CNTNAP1: variants seen among roughly 807,000 people sequenced by gnomAD.
The protein encoded by CNTNAP1 is contactin-associated protein 1.
In CNTNAP1, 80 loss-of-function variants were observed where a neutral mutation model predicts 161.5. The observed-to-expected ratio is 0.50, with a 90% CI of 0.41 to 0.60. CNTNAP1 has a LOEUF of 0.60. Ranked by LOEUF, CNTNAP1 falls within the 20% of genes least tolerant of loss-of-function variation. The pLI is 0.00. For missense variants in CNTNAP1, 1,464 were observed against 1,854.8 expected (o/e 0.79, Z 3.87); for synonymous variants, 695 against 733.1 (o/e 0.95, Z 0.84).
intron 10 of CNTNAP1, 27 bp from the exon 11 acceptor site, chr17:42,689,494 T>C: frequency 6.3e-7 from 1 of 1,582,700 alleles, no homozygotes; most frequent in Non-Finnish European, 8.7e-7. Flanking sequence ...GTAAGGCTCC[T>C]TCCCTTGGTC....
chr17:42,697,691 G>C lies in CNTNAP1; in HGVS notation c.3706G>C (p.Ala1236Pro). Residue 1236 changes from alanine (A) to proline (P), a missense_variant, in exon 22 of 24, where the codon GCT becomes CCT. Transcript: ENST00000264638. ...RTPRPMTAEL[A>P]EALRVQGELS... is the part of the protein sequence containing the mutation. ...CCCTCGACCCATGACTGCTGAGCTA[G>C]CTGAGGCCCTTCGAGTTCAGGGAGA... 4.3e-6 allele frequency: 7 copies of C among 1,614,192 alleles called. No individual in the cohort carries two copies. Among genetic ancestry groups the C allele is most frequent in the Non-Finnish European group, 5.9e-6 (7 of 1,180,036 alleles).
intron 2 of CNTNAP1, 29 bp downstream of exon 2, chr17:42,683,951 C>G (rs746717447): frequency 6.2e-6 from 10 of 1,612,916 alleles, no homozygotes; most frequent in South Asian, 1.1e-5. Flanking sequence ...CAGCTGCCAA[C>G]TGGCAGCGCA....
intron 23 of CNTNAP1, among the ~76,000 whole-genome samples, 180 bp downstream of exon 23, chr17:42,698,130 T>A (rs1368529488): frequency 6.6e-6 from 1 of 151,830 alleles, no homozygotes; most frequent in African/African-American, 2.4e-5. Context: ...GATTTTTAGA[T>A]GTTTGAGGAT....
In CNTNAP1 at chr17:42,683,918, G is replaced by A. The variant is rs1050654751; in HGVS notation, c.165G>A (p.Leu55=). The A allele has an allele frequency of 6.2e-7, 1 of 1,613,736 alleles. No individual in the cohort carries two copies. Among genetic ancestry groups the A allele is most frequent in the Non-Finnish European group, 8.5e-7 (1 of 1,179,950 alleles). ...TTACTGCGCCGAGATTCGCCAGGCT[G>A]CACGGTGAGCTCCGCGGAACATCAG... The part of the protein sequence containing the change: ...SLLTAPRFAR[L]HGISGWSPRI... The change falls in exon 2 of 24, where the codon CTG becomes CTA. Residue 55 remains leucine, a synonymous_variant. Coordinates refer to ENST00000264638, the MANE Select transcript of CNTNAP1 (RefSeq NM_003632.3).
chr17:42,693,880 T>A (rs1160426294), intron 18 of CNTNAP1, among the ~76,000 whole-genome samples: 1 of 152,112 alleles, frequency 6.6e-6, no homozygotes. Context: ...TTTTTTTTTT[T>A]ATGAGATGGA....
intron 3 of CNTNAP1, among the ~76,000 whole-genome samples, 172 bp downstream of exon 3, chr17:42,684,401 G>A (rs2052978671): frequency 6.6e-6 from 1 of 152,162 alleles, no homozygotes; most frequent in African/African-American, 2.4e-5. Context: ...GGACGTGCGC[G>A]AAACACTCGG....
In CNTNAP1 at chr17:42,698,926, G is replaced by C. The variant is rs767074492; in HGVS notation, c.*16G>C. On this transcript the variant is annotated 3_prime_UTR_variant, in exon 24 of 24. Coordinates refer to ENST00000264638, the MANE Select transcript of CNTNAP1 (RefSeq NM_003632.3). ...GTCTGAATGAGTCAGAAGGGCTTCT[G>C]GGACCAATTCCAGCTCCTGACATTC... The C allele has an allele frequency of 4.0e-6, 6 of 1,483,716 alleles. No individual in the cohort carries two copies. In the South Asian group the frequency reaches 7.0e-5, roughly 17 times the overall value. The allele number at this position is 1,483,716 out of a possible 1,614,324, so 91.9% of individuals were successfully genotyped here.
chr17:42,682,930 G>A (rs1363174934), intron 1 of CNTNAP1, 34 bp downstream of exon 1: 3 of 1,571,386 alleles, frequency 1.9e-6, no homozygotes, highest in South Asian at 2.3e-5. Context: ...GTGGGGTTGG[G>A]CCCAGGAGTC....
rs2053138481 is a variant in CNTNAP1 at position 42,695,411 on chromosome 17, G to A, written c.2993-110G>A. 1.3e-5 allele frequency: 11 copies of A among 853,812 alleles called. No homozygotes were observed. In the Admixed American group the frequency reaches 2.5e-4, roughly 19 times the overall value. 52.9% of individuals were successfully genotyped at this position (853,812 alleles called of 1,614,324 possible). A position where few individuals can be genotyped will look rare whatever the true frequency, so the allele number is the denominator to read the frequency against. On this transcript the variant is annotated intron_variant, in intron 18 of 23. Coordinates refer to ENST00000264638, the MANE Select transcript of CNTNAP1 (RefSeq NM_003632.3). ...CCTAAAAGTAAATGGAGGGTTGTGA[G>A]GGTGGCAGAAACTGAAGTAAGTCTC...
Position 42,697,644 on chromosome 17 carries a change from C to T in CNTNAP1, c.3659C>T (p.Pro1220Leu). The change falls in exon 22 of 24, where the codon CCC becomes CTC. Residue 1220 changes from proline to leucine, a missense_variant. Physicochemically the swap from Pro to Leu is moderately conservative, Grantham distance 98. Transcript: ENST00000264638. ...LSGVRFNNVA[P>L]LKTHFRTPRP... is the part of the protein sequence containing the mutation. ...GGTGTTCGATTCAACAACGTGGCTCCCCTCAAGACCCACTTCCGAACCCCT... is the reference window on the plus strand; with the variant it reads ...GGTGTTCGATTCAACAACGTGGCTCTCCTCAAGACCCACTTCCGAACCCCT... The T allele has an allele frequency of 6.2e-7, 1 of 1,614,164 alleles. No homozygotes were observed. The highest frequency in any genetic ancestry group is 2.2e-5 in the East Asian group (1 of 44,890).
At chr17:42,692,743 G>A (rs780767064) in intron 17 of CNTNAP1, 23 bp downstream of exon 17, 5 of 1,581,476 alleles carry the variant, frequency 3.2e-6, no homozygotes, top group East Asian at 2.3e-5. Flanking sequence ...CCAGAGGCAA[G>A]TCTGAAGCCT....
At chr17:42,692,910 C>A (rs1567974267) in intron 17 of CNTNAP1, among the ~76,000 whole-genome samples, 190 bp downstream of exon 17, 2 of 152,152 alleles carry the variant, frequency 1.3e-5, no homozygotes. Flanking sequence ...GGCTCCCTTT[C>A]CAACTACAAT....
chr17:42,686,062 A>G lies in CNTNAP1; in HGVS notation c.821A>G (p.Asp274Gly). Reference protein sequence around the residue: ...HYVRVDRFGRDVNFTLDGYVQ... With the variant: ...HYVRVDRFGRGVNFTLDGYVQ... ...GTGCGGGTGGACCGATTTGGCCGCG[A>G]TGTAAATTTCACCCTGGACGGCTAT... is the stretch of plus-strand genomic sequence containing the variant. The change falls in exon 6 of 24, where the codon GAT (aspartate) becomes GGT (glycine). Residue 274 changes from aspartate to glycine, a missense_variant. Transcript: ENST00000264638. 6.2e-7 allele frequency: 1 copy of G among 1,614,152 alleles called. No individual in the cohort carries two copies. The highest frequency in any genetic ancestry group is 8.5e-7 in the Non-Finnish European group (1 of 1,180,038).
intron 18 of CNTNAP1, 84 bp from the exon 19 acceptor site, chr17:42,695,437 A>G: frequency 9.2e-7 from 1 of 1,086,966 alleles, no homozygotes; most frequent in East Asian, 2.4e-5. Context: ...AGTAAGTCTC[A>G]GGATGTGTGT....
rs1263707235 is a variant in CNTNAP1 at position 42,685,157 on chromosome 17, C to T, written c.511+19C>T. 3 of 1,606,686 alleles carry T rather than the reference C, an allele frequency of 1.9e-6. No individual in the cohort carries two copies. In the South Asian group the frequency reaches 3.3e-5, roughly 18 times the overall value. On this transcript the variant is annotated intron_variant, in intron 4 of 23. Coordinates refer to ENST00000264638, the MANE Select transcript of CNTNAP1 (RefSeq NM_003632.3). The surrounding 1 kb of genome is among the most constrained non-coding windows in gnomAD (Gnocchi z 5.0). Reference sequence around the variant, plus strand: ...CCATACAGTAAGTGTGCAGAGAGCGCGGAGGGGGCCTGGGAGACAGCCTCC... The same window carrying T: ...CCATACAGTAAGTGTGCAGAGAGCGTGGAGGGGGCCTGGGAGACAGCCTCC...
chr17:42,683,298 G>A lies in CNTNAP1; in HGVS notation c.67+402G>A, dbSNP rs531189059. ...TTTGTGGCTAGGGCTGGGGTTTGTG[G>A]CTGGGGCTGGGTTTTGTGGCAGGGA... On this transcript the variant is annotated intron_variant, in intron 1 of 23. Transcript: ENST00000264638. 6.5e-4 allele frequency: 685 copies of A among 1,046,598 alleles called. 14 individuals carry two copies. The South Asian group carries it at 0.014, about 22-fold the overall frequency. The allele number at this position is 1,046,598 out of a possible 1,614,324, so 64.8% of individuals were successfully genotyped here.
Position 42,692,734 on chromosome 17 carries a change from C to T in CNTNAP1, c.2752+14C>T, listed in dbSNP as rs2143667359. ...CCCTCTATGTGGGTAAGCAGCAACC[C>T]AGAGGCAAGTCTGAAGCCTCCTTTA... is the stretch of plus-strand genomic sequence containing the variant. On this transcript the variant is annotated intron_variant, in intron 17 of 23. Transcript: ENST00000264638. 2.5e-6 allele frequency: 4 copies of T among 1,591,800 alleles called. No individual in the cohort carries two copies. In the East Asian group the frequency reaches 6.7e-5, roughly 27 times the overall value.
chr17:42,690,111 G>T lies in CNTNAP1; in HGVS notation c.1759G>T (p.Ala587Ser). The change falls in exon 12 of 24, where the codon GCT (alanine) becomes TCT (serine). Residue 587 changes from alanine to serine, a missense_variant. By Grantham distance (99) the Ala-to-Ser change is moderately conservative. Around this residue, in one of 3 missense-constraint regions of CNTNAP1, gnomAD observed 1,383 missense variants for 1,765.0 expected, o/e 0.78. Transcript: ENST00000264638. ...AGCTTTGTATAAGGAATCCTGTGAGGCTTATCGGCTCAGTGGGAAAACTTC... is the reference window on the plus strand; with the variant it reads ...AGCTTTGTATAAGGAATCCTGTGAGTCTTATCGGCTCAGTGGGAAAACTTC... ...HTPLYKESCE[A>S]YRLSGKTSGN... is the part of the protein sequence containing the mutation. 1 of 1,613,986 alleles carries T rather than the reference G, an allele frequency of 6.2e-7. No homozygotes were observed. Among genetic ancestry groups the T allele is most frequent in the African/African-American group, 1.3e-5 (1 of 75,012 alleles).
In CNTNAP1 at chr17:42,687,862, G is replaced by C. The variant is rs1205189131; in HGVS notation, c.1187G>C (p.Gly396Ala). Residue 396 changes from glycine (G) to alanine (A), a missense_variant, in exon 8 of 24, where the codon GGG becomes GCG. Physicochemically the swap from Gly to Ala is moderately conservative, Grantham distance 60. This residue lies in a region of CNTNAP1 where 1,383 missense variants were observed against 1,765.0 expected (regional missense o/e 0.78). Transcript: ENST00000264638. This position sits in a 1 kb window ranked among gnomAD's most constrained non-coding sequence, Gnocchi z 4.7. ...CGCTTCCGCACCTGGGACCTCACCG[G>C]GCTTCTCCTTTTCTCCCGTCTGGGG... ...SFRFRTWDLT[G>A]LLLFSRLGDG... The C allele has an allele frequency of 6.2e-7, 1 of 1,614,226 alleles. No homozygotes were observed. The highest frequency in any genetic ancestry group is 1.1e-5 in the South Asian group (1 of 91,086).
Sources: allele counts gnomAD v4.1 joint callset (sites outside exome capture counted in the v4.1 genomes callset), GRCh38; gene constraint gnomAD v4.1.1; regional missense constraint gnomAD v4.1.1; non-coding constraint Gnocchi (gnomAD v3.1); transcripts MANE v1.5; gene names NCBI Gene and HGNC (gene_info 2026-07-23, HGNC 2026-07-21).